ASS1: variants seen among roughly 807,000 people sequenced by gnomAD.
ASS1 encodes the protein argininosuccinate synthase.
In ASS1, 58 loss-of-function variants were observed where a neutral mutation model predicts 60.5. That is an observed-to-expected ratio of 0.96 (90% CI 0.78 to 1.19). The LOEUF is 1.19. Ranked by LOEUF, ASS1 falls within the 50% of genes most tolerant of loss-of-function variation. The pLI is 0.00. For synonymous variants in ASS1, 200 were observed against 206.9 expected, an observed-to-expected ratio of 0.97 and a Z score of 0.29; for missense variants, 454 against 547.3, an observed-to-expected ratio of 0.83 and a Z score of 1.70.
At position 130,470,101 on chromosome 9, in the gene ASS1, C is replaced by T. The variant is rs1467802; in HGVS notation, c.496-733C>T. Among the ~76,000 whole-genome samples, 1 of 152,062 alleles carries T rather than the reference C, an allele frequency of 6.6e-6. No homozygotes were observed. Among genetic ancestry groups the T allele is most frequent in the Non-Finnish European group, 1.5e-5 (1 of 68,020 alleles). On this transcript the variant is annotated intron_variant, in intron 6 of 14. Transcript: ENST00000352480. This position sits in a 1 kb window ranked among gnomAD's most constrained non-coding sequence, Gnocchi z 4.3. ...TCAAGGGTGGTGCGGGTCCCCAGGG[C>T]GACAAGCCTCATCTTCTTCCTCCTC...
chr9:130,471,038 G>C, intron 7 of ASS1, 134 bp downstream of exon 7: 1 of 1,048,324 alleles, frequency 9.5e-7, no homozygotes, highest in South Asian at 1.3e-5. Flanking sequence ...GCCTCAGGCA[G>C]GACAGAGGTC....
rs764496912 is a variant in ASS1, at chr9:130,494,829, GAGGCCTCCCTAGTGGTA to G, written c.971-37_971-21del. Reference sequence around the variant, plus strand: ...GTCTCCCTGTGTCCTCGCGGTGCAGGAGGCCTCCCTAGTGGTATCCTGTTTTCCTCCCTGTAGGTTTC... The same window carrying G: ...GTCTCCCTGTGTCCTCGCGGTGCAGGTCCTGTTTTCCTCCCTGTAGGTTTC... On this transcript the variant is annotated intron_variant, in intron 12 of 14. Coordinates refer to ENST00000352480, the MANE Select transcript of ASS1 (RefSeq NM_054012.4). The surrounding 1 kb of genome is among the most constrained non-coding windows in gnomAD (Gnocchi z 4.3). The G allele has an allele frequency of 1.9e-6, 3 of 1,612,710 alleles. No homozygotes were observed. The highest frequency in any genetic ancestry group is 2.5e-6 in the Non-Finnish European group (3 of 1,179,528).
rs890497211 is a variant in ASS1 at position 130,476,971 on chromosome 9, C to T, written c.688+10C>T. ...ATCGAGTTCAAAAAAGGTATGTGCCCACCTGTTGGGACTCGAAGGGGGTTG... is the reference window on the plus strand; with the variant it reads ...ATCGAGTTCAAAAAAGGTATGTGCCTACCTGTTGGGACTCGAAGGGGGTTG... On this transcript the variant is annotated intron_variant, in intron 9 of 14. Coordinates refer to ENST00000352480, the MANE Select transcript of ASS1 (RefSeq NM_054012.4). This position sits in a 1 kb window ranked among gnomAD's most constrained non-coding sequence, Gnocchi z 4.9. 3.1e-6 allele frequency: 5 copies of T among 1,612,278 alleles called. No homozygotes were observed. The African/African-American group carries it at 5.3e-5, about 17-fold the overall frequency.
In ASS1 at chr9:130,488,325, C is replaced by T. The variant is rs1846357936; in HGVS notation, c.839-1008C>T. Among the ~76,000 whole-genome samples the T allele has an allele frequency of 6.6e-6, 1 of 152,176 alleles. No homozygotes were observed. The highest frequency in any genetic ancestry group is 2.1e-4 in the South Asian group (1 of 4,826). ...AGAAAGGAAGCTCTCGGGGTAGAAT[C>T]CATGGAGATGGGGGAGCTATGGCCC... On this transcript the variant is annotated intron_variant, in intron 11 of 14. Coordinates refer to ENST00000352480, the MANE Select transcript of ASS1 (RefSeq NM_054012.4). The surrounding 1 kb of genome is among the most constrained non-coding windows in gnomAD (Gnocchi z 5.2).
Position 130,495,025 on chromosome 9 carries a change from T to C in ASS1, c.1127+2T>C. 1 of 1,609,472 alleles carries C rather than the reference T, an allele frequency of 6.2e-7. No homozygotes were observed. Among genetic ancestry groups the C allele is most frequent in the Non-Finnish European group, 8.5e-7 (1 of 1,178,394 alleles). On this transcript the variant is annotated splice_donor_variant, in intron 13 of 14. Transcript: ENST00000352480. LOFTEE classifies it high-confidence loss of function. ...TCTCTACAATGAGGAGCTGGTGAGG[T>C]AGGTGCCCCACACCTCATTCTGACC...
In ASS1 at chr9:130,470,634, G is replaced by A. The variant is rs530706744; in HGVS notation, c.496-200G>A. 3.2e-4 allele frequency among the ~76,000 whole-genome samples: 48 copies of A among 152,330 alleles called. No individual in the cohort carries two copies. Among genetic ancestry groups the A allele is most frequent in the African/African-American group, 7.2e-4 (30 of 41,572 alleles). On this transcript the variant is annotated intron_variant, in intron 6 of 14. Coordinates refer to ENST00000352480, the MANE Select transcript of ASS1 (RefSeq NM_054012.4). This position sits in a 1 kb window ranked among gnomAD's most constrained non-coding sequence, Gnocchi z 4.3. ...TCCAAGGTCAGCATTGCAGACACAC[G>A]GTCCTGCAGTTTCTCTGGGGCATGT...
chr9:130,486,199 G>A (rs773746478), intron 11 of ASS1, among the ~76,000 whole-genome samples: 1 of 151,980 alleles, frequency 6.6e-6, no homozygotes, highest in African/African-American at 2.4e-5. Context: ...GGGCTGAAAC[G>A]ATCCTCCCAC....
chr9:130,447,906 C>T (rs1170537019), intron 1 of ASS1, among the ~76,000 whole-genome samples: 1 of 152,078 alleles, frequency 6.6e-6, no homozygotes, highest in African/African-American at 2.4e-5. Context: ...GGCTCCTTCC[C>T]CCAGCATCTC....
rs1248098251 is a variant in ASS1, at chr9:130,488,935, T to G, written c.839-398T>G. ...TATGTGCACAGCTGTCCCCCTCCCCTGGCTCCCTGGTGGAAGGGAAGAAGG... is the reference window on the plus strand; with the variant it reads ...TATGTGCACAGCTGTCCCCCTCCCCGGGCTCCCTGGTGGAAGGGAAGAAGG... On this transcript the variant is annotated intron_variant, in intron 11 of 14. Transcript: ENST00000352480. The surrounding 1 kb of genome is among the most constrained non-coding windows in gnomAD (Gnocchi z 5.2). 2.0e-5 allele frequency among the ~76,000 whole-genome samples: 3 copies of G among 152,178 alleles called. No homozygotes were observed. Among genetic ancestry groups the G allele is most frequent in the Admixed American group, 6.5e-5 (1 of 15,284 alleles).
intron 1 of ASS1, among the ~76,000 whole-genome samples, chr9:130,450,854 C>T (rs573340394): frequency 1.3e-5 from 2 of 152,248 alleles, no homozygotes; most frequent in African/African-American, 2.4e-5. Context: ...AATAAAGACC[C>T]TGGGTGACTC....
intron 1 of ASS1, among the ~76,000 whole-genome samples, chr9:130,450,067 C>T (rs1445170297): frequency 2.0e-5 from 3 of 152,190 alleles, no homozygotes; most frequent in African/African-American, 7.2e-5. Context: ...CACACGCAAA[C>T]AGGGGTAGGC....
intron 5 of ASS1, among the ~76,000 whole-genome samples, chr9:130,465,499 G>T (rs1845715751): frequency 6.6e-6 from 1 of 152,184 alleles, no homozygotes; most frequent in Non-Finnish European, 1.5e-5. Flanking sequence ...AGAATGTGCT[G>T]CATGCAGGCA....
chr9:130,456,921 C>CAAA (rs112708513), intron 3 of ASS1, among the ~76,000 whole-genome samples: 4 of 142,128 alleles, frequency 2.8e-5, no homozygotes, highest in African/African-American at 1.0e-4. Context: ...GAGTCCATCT[C>CAAA]AAAAAAATAA....
chr9:130,495,147 C>T, intron 13 of ASS1, 124 bp downstream of exon 13: 1 of 1,343,716 alleles, frequency 7.4e-7, no homozygotes, highest in Non-Finnish European at 1.0e-6. Context: ...GTGATGGTCA[C>T]AGAGGATATA....
rs1845519852 is a variant in ASS1, at chr9:130,459,002, C to T, written c.363+413C>T. On this transcript the variant is annotated intron_variant, in intron 4 of 14. Coordinates refer to ENST00000352480, the MANE Select transcript of ASS1 (RefSeq NM_054012.4). The surrounding 1 kb of genome is among the most constrained non-coding windows in gnomAD (Gnocchi z 4.6). ...CTGCTGGCTTGCCGTGTGTCCTCAG[C>T]CAGGGCCCTTCTCCCCTTCCTGAAC... Among the ~76,000 whole-genome samples, 1 of 152,234 alleles carries T rather than the reference C, an allele frequency of 6.6e-6. No individual in the cohort carries two copies. Among genetic ancestry groups the T allele is most frequent in the Non-Finnish European group, 1.5e-5 (1 of 68,040 alleles).
At chr9:130,446,049 G>C (rs1041114505) in intron 1 of ASS1, among the ~76,000 whole-genome samples, 3 of 152,112 alleles carry the variant, frequency 2.0e-5, no homozygotes, top group Admixed American at 6.5e-5. Context: ...ATGTGGACTC[G>C]TCATGTTGCC....
chr9:130,468,041 T>C (rs1845787803), intron 6 of ASS1, among the ~76,000 whole-genome samples: 1 of 152,192 alleles, frequency 6.6e-6, no homozygotes, highest in African/African-American at 2.4e-5. Context: ...CAGGGAAAGA[T>C]GAGCATGGCC....
chr9:130,474,070 C>G (rs1396909622), intron 8 of ASS1, among the ~76,000 whole-genome samples: 1 of 126,428 alleles, frequency 7.9e-6, no homozygotes, highest in Non-Finnish European at 1.7e-5. Context: ...GCACCCCCCC[C>G]CCCCCACAGA....
intron 2 of ASS1, among the ~76,000 whole-genome samples, chr9:130,453,234 T>G (rs188794234): frequency 6.3e-4 from 96 of 152,350 alleles, no homozygotes; most frequent in African/African-American, 2.2e-3. Context: ...GGTGCGAGGC[T>G]TGGGCCATGA....
Sources: allele counts gnomAD v4.1 joint callset (sites outside exome capture counted in the v4.1 genomes callset), GRCh38; gene constraint gnomAD v4.1.1; non-coding constraint Gnocchi (gnomAD v3.1); transcripts MANE v1.5; gene names NCBI Gene and HGNC (gene_info 2026-07-23, HGNC 2026-07-21).